RPGRIP1: variants seen among roughly 807,000 people sequenced by gnomAD.
The protein encoded by RPGRIP1 is RPGR interacting protein 1, also known as X-linked retinitis pigmentosa GTPase regulator-interacting protein 1.
RPGRIP1 carries 128 observed loss-of-function variants against 157.9 expected under a neutral mutation model. The observed-to-expected ratio is 0.81, with a 90% CI of 0.70 to 0.94. The LOEUF is 0.94. Among genes scored for constraint, RPGRIP1 ranks in the 40% least tolerant of loss-of-function variants. The pLI, the probability that RPGRIP1 is intolerant of heterozygous loss-of-function variation, is 0.00. For missense variants in RPGRIP1, 1,486 were observed against 1,545.8 expected, an observed-to-expected ratio of 0.96 and a Z score of 0.65; for synonymous variants, 554 against 571.6, an observed-to-expected ratio of 0.97 and a Z score of 0.44.
In RPGRIP1 at chr14:21,307,757, T is replaced by A. The variant is rs1881377765; in HGVS notation, c.827T>A (p.Leu276Gln). The A allele has an allele frequency of 6.4e-7, 1 of 1,566,332 alleles. No homozygotes were observed. The highest frequency in any genetic ancestry group is 1.4e-5 in the African/African-American group (1 of 73,890). The change falls in exon 7 of 25, where the codon CTG (leucine) becomes CAG (glutamine). Residue 276 changes from leucine (L) to glutamine (Q), a missense_variant. Coordinates refer to ENST00000400017, the MANE Select transcript of RPGRIP1 (RefSeq NM_020366.4). ...GCTTCCATTAAAGAGAAGGTAGAGC[T>A]GATTCGACTTAAGAAGCTCTTACAT... is the stretch of plus-strand genomic sequence containing the variant. ...LRASIKEKVE[L>Q]IRLKKLLHER...
chr14:21,349,700 A>G (rs8017630), intron 24 of RPGRIP1, among the ~76,000 whole-genome samples: 131,646 of 152,062 alleles, frequency 0.87, 57,517 homozygotes, highest in Middle Eastern at 0.94. Context: ...CACCGCGCCC[A>G]GCCATATAAT....
chr14:21,311,693 AAAGGTAAT>A, intron 8 of RPGRIP1, 123 bp from the exon 9 acceptor site: 1 of 698,528 alleles, frequency 1.4e-6, no homozygotes, highest in Non-Finnish European at 2.3e-6. Context: ...CGAACAGTAC[AAAGGTAAT>A]AAGCTATTAA....
rs12323827 is a variant in RPGRIP1 at position 21,318,053 on chromosome 14, T to C, written c.1306+203T>C. On this transcript the variant is annotated intron_variant, in intron 11 of 24. Transcript: ENST00000400017. Reference sequence around the variant, plus strand: ...ACACTTACCTACCTCTCATGTATACTTTTTCCTATATAATGTCTTTCCATT... The same window carrying C: ...ACACTTACCTACCTCTCATGTATACCTTTTCCTATATAATGTCTTTCCATT... 5,146 of 696,560 alleles carry C rather than the reference T, an allele frequency of 7.4e-3. 185 individuals are homozygous for C. The African/African-American group carries it at 0.08, about 11-fold the overall frequency. The allele number at this position is 696,560 out of a possible 1,614,324, so 43.1% of individuals were successfully genotyped here.
chr14:21,315,753 A>G (rs1881759569), intron 10 of RPGRIP1, among the ~76,000 whole-genome samples: 1 of 151,902 alleles, frequency 6.6e-6, no homozygotes, highest in East Asian at 1.9e-4. Context: ...TGGTCAGGCA[A>G]TGCCAAGAAA....
Position 21,346,140 on chromosome 14 carries a change from A to G in RPGRIP1, c.3617+943A>G, listed in dbSNP as rs1362515347. On this transcript the variant is annotated intron_variant, in intron 23 of 24. Transcript: ENST00000400017. ...GGAATTTTTTGATGTTGACATAACT[A>G]AGTGAATTTTAGATCTCCTTTAAAG... 2.6e-5 allele frequency among the ~76,000 whole-genome samples: 4 copies of G among 152,122 alleles called. No individual in the cohort carries two copies. In the East Asian group the frequency reaches 5.8e-4, roughly 22 times the overall value.
At chr14:21,310,561 T>TA in intron 7 of RPGRIP1, 23 bp from the exon 8 acceptor site, 1 of 742,498 alleles carries the variant, frequency 1.3e-6, no homozygotes, top group Non-Finnish European at 1.9e-6. Context: ...ATCAATAAAA[T>TA]AATAATAATT....
intron 10 of RPGRIP1, 158 bp from the exon 11 acceptor site, chr14:21,317,538 C>T: frequency 6.6e-7 from 1 of 1,509,958 alleles, no homozygotes; most frequent in Non-Finnish European, 8.8e-7. Flanking sequence ...AGTTCCAAGG[C>T]AGTTGGTAAA....
At chr14:21,303,084 T>C in intron 5 of RPGRIP1, 1 of 379,794 alleles carries the variant, frequency 2.6e-6, no homozygotes, top group Non-Finnish European at 4.9e-6. Flanking sequence ...TGGCCAGGCT[T>C]GTCTCCAACT....
intron 1 of RPGRIP1, among the ~76,000 whole-genome samples, chr14:21,287,370 C>T (rs1880337784): frequency 6.6e-6 from 1 of 152,278 alleles, no homozygotes; most frequent in South Asian, 2.1e-4. Context: ...ATTATTCAGG[C>T]CACAGAGCTG....
At chr14:21,306,991 G>A (rs1221890997) in intron 6 of RPGRIP1, among the ~76,000 whole-genome samples, 1 of 151,928 alleles carries the variant, frequency 6.6e-6, no homozygotes, top group Non-Finnish European at 1.5e-5. Flanking sequence ...GGCCAGGATG[G>A]TCTCAATCTC....
At chr14:21,341,698 G>A (rs1351676139) in intron 21 of RPGRIP1, among the ~76,000 whole-genome samples, 1 of 152,066 alleles carries the variant, frequency 6.6e-6, no homozygotes, top group Non-Finnish European at 1.5e-5. Flanking sequence ...TGCCAACATG[G>A]ACACAGGGAC....
chr14:21,342,727 A>T (rs988698476), intron 21 of RPGRIP1, among the ~76,000 whole-genome samples: 2 of 151,348 alleles, frequency 1.3e-5, no homozygotes, highest in African/African-American at 4.9e-5. Context: ...CGAATCAGAC[A>T]TTTTTTTTTA....
chr14:21,297,966 C>G (rs61977469), intron 3 of RPGRIP1, among the ~76,000 whole-genome samples: 29,407 of 151,284 alleles, frequency 0.19, 3,435 homozygotes, highest in South Asian at 0.28. Context: ...TTCCTGGAAT[C>G]AAGTATCAAT....
At position 21,350,395 on chromosome 14, in the gene RPGRIP1, A is replaced by T. The variant is rs1035500146; in HGVS notation, c.3749-709A>T. Among the ~76,000 whole-genome samples, 7 of 150,698 alleles carry T rather than the reference A, an allele frequency of 4.6e-5. No homozygotes were observed. In the South Asian group the frequency reaches 1.5e-3, roughly 31 times the overall value. ...TGTCTCCAAAAAAAAAAAAAAAAAA[A>T]AGAAAACAGGAATTAAGAGTACATA... On this transcript the variant is annotated intron_variant, in intron 24 of 24. Coordinates refer to ENST00000400017, the MANE Select transcript of RPGRIP1 (RefSeq NM_020366.4).
Position 21,345,197 on chromosome 14 carries a change from A to T in RPGRIP1, c.3617A>T (p.His1206Leu), listed in dbSNP as rs763079462. 6.2e-7 allele frequency: 1 copy of T among 1,607,814 alleles called. No individual in the cohort carries two copies. Among genetic ancestry groups the T allele is most frequent in the Admixed American group, 1.7e-5 (1 of 59,450 alleles). The part of the protein sequence containing the change: ...MLNGQDPDQG[H>L]LKFTVVSDPL... ...AATGGACAAGATCCTGATCAAGGAC[A>T]GTAAGCATCTGCTTTCCACTTTGAA... Residue 1206 changes from histidine to leucine, a missense_variant and splice_region_variant, in exon 23 of 25, where the codon CAT becomes CTT. By Grantham distance (99) the His-to-Leu change is moderately conservative. Transcript: ENST00000400017.
chr14:21,334,361 C>G (rs1014592691), intron 20 of RPGRIP1, among the ~76,000 whole-genome samples: 2 of 151,918 alleles, frequency 1.3e-5, no homozygotes, highest in African/African-American at 4.8e-5. Context: ...TGTCTTCCTT[C>G]CTTTCTTCCT....
Position 21,327,790 on chromosome 14 carries a change from G to C in RPGRIP1, c.2878G>C (p.Ala960Pro), listed in dbSNP as rs35810926. The C allele has an allele frequency of 9.0e-4, 1,434 of 1,597,138 alleles. 16 individuals carry two copies. In the African/African-American group the frequency reaches 0.016, roughly 18 times the overall value. Residue 960 changes from alanine to proline, a missense_variant, in exon 18 of 25, where the codon GCT (alanine) becomes CCT (proline). Transcript: ENST00000400017. ...SSKISSEEEK[A>P]SFPSQDQMAS... ...AAAGATCTCATCTGAAGAGGAAAAG[G>C]CTTCATTTCCTTCCCAGGTAACTCT...
chr14:21,310,466 T>C (rs1469873843), intron 7 of RPGRIP1, 118 bp from the exon 8 acceptor site: 19 of 600,126 alleles, frequency 3.2e-5, no homozygotes, highest in Non-Finnish European at 4.5e-5. Context: ...AGTACACAAA[T>C]TGATTTGTTT....
chr14:21,310,312 C>T (rs542475847), intron 7 of RPGRIP1, among the ~76,000 whole-genome samples: 1 of 152,190 alleles, frequency 6.6e-6, no homozygotes, highest in African/African-American at 2.4e-5. Context: ...TAAGATTAAA[C>T]ATTTTTCTTG....
Sources: allele counts gnomAD v4.1 joint callset (sites outside exome capture counted in the v4.1 genomes callset), GRCh38; gene constraint gnomAD v4.1.1; transcripts MANE v1.5; gene names NCBI Gene and HGNC (gene_info 2026-07-23, HGNC 2026-07-21).